TIAM1: variants seen among roughly 807,000 people sequenced by gnomAD.
TIAM1 encodes the protein TIAM Rac1 associated GEF 1.
TIAM1 carries 65 observed loss-of-function variants against 163.5 expected under a neutral mutation model. That is an observed-to-expected ratio of 0.40 (90% confidence interval 0.33 to 0.49). TIAM1 has a LOEUF of 0.49. TIAM1 is among the 20% of genes least tolerant of loss of function. TIAM1 has a pLI of 0.77. For synonymous variants in TIAM1, 833 were observed against 810.1 expected, an observed-to-expected ratio of 1.03 and a Z score of -0.48; for missense variants, 1,789 against 2,044.7, an observed-to-expected ratio of 0.87 and a Z score of 2.41.
At chr21:31,308,966 C>CTA (rs1043077295) in intron 2 of TIAM1, among the ~76,000 whole-genome samples, 4 of 152,022 alleles carry the variant, frequency 2.6e-5, no homozygotes, top group African/African-American at 9.7e-5. Flanking sequence ...AATGAAGCAA[C>CTA]TATAGGAAGC....
intron 9 of TIAM1, among the ~76,000 whole-genome samples, chr21:31,215,071 T>C (rs952118850): frequency 2.0e-5 from 3 of 152,212 alleles, no homozygotes; most frequent in African/African-American, 7.2e-5. Flanking sequence ...ACATTGTGCT[T>C]TGATTTTAGA....
chr21:31,498,283 A>C (rs1602423395), intron 1 of TIAM1, among the ~76,000 whole-genome samples: 1 of 152,216 alleles, frequency 6.6e-6, no homozygotes. Context: ...GAACTTTCTC[A>C]CCAGCCTAGA....
intron 1 of TIAM1, among the ~76,000 whole-genome samples, chr21:31,530,900 G>T (rs1191600163): frequency 1.3e-5 from 2 of 152,000 alleles, no homozygotes; most frequent in Non-Finnish European, 2.9e-5. Context: ...AAAAAAAAAT[G>T]ATTCCTAGTA....
intron 2 of TIAM1, among the ~76,000 whole-genome samples, chr21:31,365,396 T>TTTTC (rs2076484680): frequency 6.7e-6 from 1 of 149,228 alleles, no homozygotes; most frequent in Non-Finnish European, 1.5e-5. Flanking sequence ...TCTTTTTTTT[T>TTTTC]TTTTTTTTTT....
At chr21:31,174,237 C>T (rs1334944166) in intron 15 of TIAM1, among the ~76,000 whole-genome samples, 1 of 152,242 alleles carries the variant, frequency 6.6e-6, no homozygotes, top group African/African-American at 2.4e-5. Flanking sequence ...TCACACTTCA[C>T]GGGTACTGCA....
intron 2 of TIAM1, among the ~76,000 whole-genome samples, chr21:31,383,624 C>T (rs2076817012): frequency 6.6e-6 from 1 of 152,304 alleles, no homozygotes; most frequent in African/African-American, 2.4e-5. Flanking sequence ...CGGACAATTC[C>T]TGACATGCCT....
At chr21:31,481,300 G>A (rs1394256053) in intron 1 of TIAM1, among the ~76,000 whole-genome samples, 1 of 152,076 alleles carries the variant, frequency 6.6e-6, no homozygotes, top group Non-Finnish European at 1.5e-5. Flanking sequence ...CCTTGTTGGG[G>A]TACCTGTTTC....
chr21:31,558,515 C>T (rs2048973636), intron 1 of TIAM1, among the ~76,000 whole-genome samples: 1 of 152,102 alleles, frequency 6.6e-6, no homozygotes, highest in Admixed American at 6.5e-5. Context: ...TGCACAAGCA[C>T]GCCCTCCCCG....
intron 2 of TIAM1, among the ~76,000 whole-genome samples, chr21:31,415,455 G>T (rs953646664): frequency 1.3e-5 from 2 of 152,120 alleles, no homozygotes; most frequent in African/African-American, 4.8e-5. Flanking sequence ...GCAAACACTT[G>T]CAGTGTCTGC....
At chr21:31,273,679 A>G (rs755705326) in intron 3 of TIAM1, among the ~76,000 whole-genome samples, 12 of 152,236 alleles carry the variant, frequency 7.9e-5, no homozygotes, top group Non-Finnish European at 1.3e-4. Context: ...TCACAACATA[A>G]TATTCAAAAT....
At chr21:31,152,326 C>T (rs1465665137) in intron 19 of TIAM1, among the ~76,000 whole-genome samples, 1 of 152,202 alleles carries the variant, frequency 6.6e-6, no homozygotes, top group Non-Finnish European at 1.5e-5. Context: ...AGCCACCATG[C>T]CCAGCCAGGA....
At chr21:31,396,825 C>A (rs1367511760) in intron 2 of TIAM1, among the ~76,000 whole-genome samples, 1 of 151,814 alleles carries the variant, frequency 6.6e-6, no homozygotes. Flanking sequence ...GTAGCAGATG[C>A]CTGTAATCCG....
chr21:31,526,228 C>T (rs1042750827), intron 1 of TIAM1, among the ~76,000 whole-genome samples: 5 of 151,998 alleles, frequency 3.3e-5, no homozygotes, highest in African/African-American at 1.2e-4. Context: ...TGGGTCTTCA[C>T]AGCAGGAGAC....
chr21:31,384,421 A>AT (rs2076831781), intron 2 of TIAM1, among the ~76,000 whole-genome samples: 1 of 150,836 alleles, frequency 6.6e-6, no homozygotes, highest in Non-Finnish European at 1.5e-5. Context: ...AAAAAAAAAA[A>AT]TTTAATTAGC....
At position 31,445,854 on chromosome 21, in the gene TIAM1, G is replaced by A. The variant is rs181708422; in HGVS notation, c.-369+18129C>T. Among the ~76,000 whole-genome samples, 110 of 152,194 alleles carry A rather than the reference G, an allele frequency of 7.2e-4. No individual in the cohort carries two copies. In the Middle Eastern group the frequency reaches 0.01, roughly 14 times the overall value. The stretch of plus-strand genomic sequence containing the variant: ...AGGAGAGATTGGGGTTTTGTTGGTT[G>A]TATTTTAACGTTTGAGTTTTGGGAA... On this transcript the variant is annotated intron_variant, in intron 2 of 28. Coordinates refer to the TIAM1 transcript ENST00000286827.
At chr21:31,365,544 A>C (rs1451249867) in intron 2 of TIAM1, among the ~76,000 whole-genome samples, 2 of 151,260 alleles carry the variant, frequency 1.3e-5, no homozygotes, top group Non-Finnish European at 2.9e-5. Context: ...ACCCGCCACC[A>C]CGCCTGGCTA....
At chr21:31,477,124 TG>T (rs2045958208) in intron 1 of TIAM1, among the ~76,000 whole-genome samples, 1 of 152,190 alleles carries the variant, frequency 6.6e-6, no homozygotes, top group South Asian at 2.1e-4. Context: ...TAGGTTGAAC[TG>T]GGGGAAATTG....
At chr21:31,175,710 T>C (rs2084729445) in intron 15 of TIAM1, among the ~76,000 whole-genome samples, 1 of 152,018 alleles carries the variant, frequency 6.6e-6, no homozygotes, top group South Asian at 2.1e-4. Flanking sequence ...GAGAGTCTCC[T>C]GCCTCAGCCT....
intron 1 of TIAM1, among the ~76,000 whole-genome samples, chr21:31,544,906 G>C (rs920760683): frequency 1.3e-5 from 2 of 151,512 alleles, no homozygotes; most frequent in South Asian, 2.1e-4. Context: ...CCAGCTTCTG[G>C]GGAGGCTGAG....
Sources: allele counts gnomAD v4.1 joint callset (sites outside exome capture counted in the v4.1 genomes callset), GRCh38; gene constraint gnomAD v4.1.1; transcripts MANE v1.5; gene names NCBI Gene and HGNC (gene_info 2026-07-23, HGNC 2026-07-21).